The following TAFA4 variants were observed in gnomAD, a reference collection of about 807,000 sequenced individuals.
The protein encoded by TAFA4 is TAFA chemokine like family member 4, also known as chemokine-like protein TAFA-4.
In TAFA4, 20 loss-of-function variants were observed where a neutral mutation model predicts 21.1. The ratio of observed to expected loss-of-function variants is 0.95; its 90% CI spans 0.67 to 1.38. The LOEUF (loss-of-function observed/expected upper bound fraction) is 1.38. TAFA4 is among the 40% of genes most tolerant of loss of function. The probability of loss-of-function intolerance (pLI) is 0.00; values close to 1 mark genes in which losing one functional copy is unlikely to be tolerated. For missense variants in TAFA4, 211 were observed against 180.9 expected (o/e 1.17, Z -0.95); for synonymous variants, 71 against 67.4 (o/e 1.05, Z -0.26).
chr3:68,733,839 C>CCAAT (rs1304389636), intron 5 of TAFA4, among the ~76,000 whole-genome samples: 9 of 152,058 alleles, frequency 5.9e-5, no homozygotes, highest in African/African-American at 1.9e-4. Context: ...GGCTTTAGAC[C>CCAAT]CAATCAGCTA....
intron 3 of TAFA4, among the ~76,000 whole-genome samples, chr3:68,874,151 CTTAG>C (rs1160134009): frequency 6.6e-6 from 1 of 152,176 alleles, no homozygotes; most frequent in African/African-American, 2.4e-5. Flanking sequence ...CCCTGTCGGA[CTTAG>C]TTATAGTTCT....
At chr3:68,887,486 C>T (rs1351541176) in intron 1 of TAFA4, among the ~76,000 whole-genome samples, 1 of 152,062 alleles carries the variant, frequency 6.6e-6, no homozygotes, top group African/African-American at 2.4e-5. Context: ...CATGACTGCC[C>T]CCTAGTACAT....
At chr3:68,859,944 C>T (rs1250893923) in intron 3 of TAFA4, among the ~76,000 whole-genome samples, 1 of 152,142 alleles carries the variant, frequency 6.6e-6, no homozygotes, top group Non-Finnish European at 1.5e-5. Context: ...GTTCAACTCT[C>T]AGTAACATGT....
chr3:68,814,344 G>A (rs901992677), intron 3 of TAFA4, among the ~76,000 whole-genome samples: 10 of 152,116 alleles, frequency 6.6e-5, no homozygotes, highest in Admixed American at 3.3e-4. Context: ...AGGAAATAAA[G>A]GGTATTCAAT....
chr3:68,775,324 T>A (rs972748422), intron 3 of TAFA4, among the ~76,000 whole-genome samples: 1 of 152,100 alleles, frequency 6.6e-6, no homozygotes, highest in Admixed American at 6.5e-5. Flanking sequence ...GGATAAGCTG[T>A]CACTGTGAAA....
chr3:68,745,995 T>C (rs1408324499), intron 4 of TAFA4, among the ~76,000 whole-genome samples: 1 of 152,124 alleles, frequency 6.6e-6, no homozygotes, highest in Non-Finnish European at 1.5e-5. Flanking sequence ...TTAATCTGGG[T>C]GGGCACTATC....
chr3:68,765,096 A>T (rs1702825117), intron 3 of TAFA4, among the ~76,000 whole-genome samples: 1 of 152,176 alleles, frequency 6.6e-6, no homozygotes, highest in Non-Finnish European at 1.5e-5. Context: ...ATAAAGCCAA[A>T]TGGAGAGTTA....
chr3:68,884,175 A>T (rs1250746947), intron 2 of TAFA4, among the ~76,000 whole-genome samples: 1 of 152,236 alleles, frequency 6.6e-6, no homozygotes, highest in African/African-American at 2.4e-5. Flanking sequence ...TCTTGCCTTC[A>T]GATCCATTCC....
intron 3 of TAFA4, among the ~76,000 whole-genome samples, chr3:68,865,648 T>C (rs554532658): frequency 6.6e-6 from 1 of 152,136 alleles, no homozygotes; most frequent in Admixed American, 6.6e-5. Context: ...TATTGCTTCA[T>C]AGCAGTATGA....
At position 68,864,755 on chromosome 3, in the gene TAFA4, A is replaced by C. The variant is rs145641548; in HGVS notation, c.130+15975T>G. Among the ~76,000 whole-genome samples the C allele has an allele frequency of 2.9e-3, 444 of 152,294 alleles. 1 individual carries two copies. The highest frequency in any genetic ancestry group is 0.01 in the African/African-American group (423 of 41,576). Reference sequence around the variant, plus strand: ...CATAATGGAATACTACTCAGCAATAAAAAGAAATGAGGTTGTGTGTCAACT... The same window carrying C: ...CATAATGGAATACTACTCAGCAATACAAAGAAATGAGGTTGTGTGTCAACT... On this transcript the variant is annotated intron_variant, in intron 3 of 5. Transcript: ENST00000295569.
chr3:68,856,717 C>CACATTCAT (rs1490888911), intron 3 of TAFA4, among the ~76,000 whole-genome samples: 21 of 152,138 alleles, frequency 1.4e-4, no homozygotes, highest in African/African-American at 4.8e-4. Flanking sequence ...TTATAGCTTC[C>CACATTCAT]ACATTCATAT....
intron 3 of TAFA4, among the ~76,000 whole-genome samples, chr3:68,808,040 A>G (rs1424097875): frequency 6.6e-6 from 1 of 151,622 alleles, no homozygotes. Context: ...TATTATGTGT[A>G]AAATTTAGCA....
At chr3:68,845,960 T>C (rs1197622369) in intron 3 of TAFA4, among the ~76,000 whole-genome samples, 1 of 152,222 alleles carries the variant, frequency 6.6e-6, no homozygotes, top group Non-Finnish European at 1.5e-5. Flanking sequence ...TTTTCCTTCA[T>C]TTCAACCTTG....
chr3:68,871,068 G>C (rs917222142), intron 3 of TAFA4, among the ~76,000 whole-genome samples: 1 of 152,152 alleles, frequency 6.6e-6, no homozygotes, highest in Non-Finnish European at 1.5e-5. Context: ...AGATGCGGTA[G>C]AGGATGTGGA....
chr3:68,745,272 A>G (rs529216387), intron 4 of TAFA4, among the ~76,000 whole-genome samples: 1 of 152,222 alleles, frequency 6.6e-6, no homozygotes, highest in Middle Eastern at 3.2e-3. Flanking sequence ...GGATTTTATT[A>G]AAGTTACTGG....
intron 3 of TAFA4, among the ~76,000 whole-genome samples, chr3:68,811,071 T>C (rs191424299): frequency 0.015 from 2,209 of 152,212 alleles, 50 homozygotes; most frequent in African/African-American, 0.05. Context: ...GGGTCTGGAG[T>C]GGACCTCCAG....
chr3:68,829,084 T>G (rs1375027949), intron 3 of TAFA4, among the ~76,000 whole-genome samples: 2 of 152,198 alleles, frequency 1.3e-5, no homozygotes, highest in East Asian at 3.8e-4. Context: ...AGAGCCTGTA[T>G]AGCCAAGACA....
At chr3:68,877,159 G>A (rs2089558971) in intron 3 of TAFA4, among the ~76,000 whole-genome samples, 1 of 152,036 alleles carries the variant, frequency 6.6e-6, no homozygotes, top group Non-Finnish European at 1.5e-5. Flanking sequence ...AGGAGTTCGA[G>A]ACCAGCCTGG....
At chr3:68,839,571 T>C (rs900275888) in intron 3 of TAFA4, among the ~76,000 whole-genome samples, 7 of 152,202 alleles carry the variant, frequency 4.6e-5, no homozygotes, top group Admixed American at 4.6e-4. Flanking sequence ...CAAACTTCAC[T>C]AACACCCGGA....
Sources: allele counts gnomAD v4.1 joint callset (sites outside exome capture counted in the v4.1 genomes callset), GRCh38; gene constraint gnomAD v4.1.1; transcripts MANE v1.5; gene names NCBI Gene and HGNC (gene_info 2026-07-23, HGNC 2026-07-21).